Variants in MTA1 observed in about 807,000 individuals in gnomAD.
MTA1 encodes metastasis associated 1.
Under a neutral mutation model 97.0 loss-of-function variants are expected in MTA1, and 15 were observed. The ratio of observed to expected loss-of-function variants is 0.15; its 90% confidence interval spans 0.10 to 0.24. MTA1 has a LOEUF of 0.24. Ranked by LOEUF, MTA1 falls within the 10% of genes least tolerant of loss-of-function variation. The pLI, the probability that MTA1 is intolerant of heterozygous loss-of-function variation, is 1.00. For missense variants in MTA1, 709 were observed against 1,015.1 expected, an observed-to-expected ratio of 0.70 and a Z score of 4.10; for synonymous variants, 435 against 417.5, an observed-to-expected ratio of 1.04 and a Z score of -0.51.
chr14:105,434,946 C>T (rs1480423457), intron 1 of MTA1, among the ~76,000 whole-genome samples: 3 of 152,144 alleles, frequency 2.0e-5, no homozygotes, highest in Admixed American at 6.6e-5. Context: ...TCTTCATATC[C>T]AGTCTGTGTG....
At position 105,429,670 on chromosome 14, in the gene MTA1, G is replaced by A. The variant is rs1470236455; in HGVS notation, c.29-9002G>A. Among the ~76,000 whole-genome samples, 4 of 147,926 alleles carry A rather than the reference G, an allele frequency of 2.7e-5. No individual in the cohort carries two copies. In the South Asian group the frequency reaches 8.6e-4, roughly 32 times the overall value. On this transcript the variant is annotated intron_variant, in intron 1 of 20. Transcript: ENST00000331320. ...GGGTTTCACCATGTTAGCCAGGATG[G>A]CCTCAATCTCCTGACCTTGTGATCC...
At chr14:105,452,800 A>G (rs2082994264) in intron 6 of MTA1, among the ~76,000 whole-genome samples, 1 of 152,254 alleles carries the variant, frequency 6.6e-6, no homozygotes, top group Admixed American at 6.5e-5. Flanking sequence ...GTGGTCACAC[A>G]TGGAGCAGGT....
At chr14:105,465,273 T>G in intron 16 of MTA1, 90 bp downstream of exon 16, 4 of 1,142,356 alleles carry the variant, frequency 3.5e-6, no homozygotes, top group Non-Finnish European at 3.6e-6. Context: ...CAGCCTTCTC[T>G]AGCTGGGAGC....
At chr14:105,430,740 G>T (rs2082153833) in intron 1 of MTA1, among the ~76,000 whole-genome samples, 1 of 152,168 alleles carries the variant, frequency 6.6e-6, no homozygotes. Flanking sequence ...CTGGCCCGCT[G>T]CCTGTTTTTG....
At chr14:105,464,390 T>C (rs782256514) in intron 13 of MTA1, 26 bp from the exon 14 acceptor site, 2 of 1,610,128 alleles carry the variant, frequency 1.2e-6, no homozygotes, top group Non-Finnish European at 1.7e-6. Flanking sequence ...TAAGAATCCG[T>C]CTATTTCCAA....
chr14:105,434,473 A>C (rs2082271046), intron 1 of MTA1, among the ~76,000 whole-genome samples: 1 of 148,568 alleles, frequency 6.7e-6, no homozygotes, highest in African/African-American at 2.5e-5. Flanking sequence ...ATTTGTTAGT[A>C]GTACGTAGAA....
At chr14:105,437,901 G>A (rs587702325) in intron 1 of MTA1, among the ~76,000 whole-genome samples, 1 of 152,366 alleles carries the variant, frequency 6.6e-6, no homozygotes, top group African/African-American at 2.4e-5. Flanking sequence ...TCCAGGGTAA[G>A]CCTCTGGGCT....
At chr14:105,446,023 G>C (rs925753207) in intron 3 of MTA1, among the ~76,000 whole-genome samples, 9 of 152,102 alleles carry the variant, frequency 5.9e-5, no homozygotes, top group Non-Finnish European at 7.4e-5. Flanking sequence ...GGCCAGCACA[G>C]CGTGTGGGAG....
intron 2 of MTA1, among the ~76,000 whole-genome samples, chr14:105,441,689 G>C (rs1489994098): frequency 6.6e-6 from 1 of 152,200 alleles, no homozygotes; most frequent in Non-Finnish European, 1.5e-5. Flanking sequence ...AGCTACTCGG[G>C]AGGCTGAGGC....
chr14:105,465,690 G>A (rs1480501911), intron 16 of MTA1: 2 of 152,806 alleles, frequency 1.3e-5, no homozygotes, highest in African/African-American at 2.4e-5. Flanking sequence ...GGCGGCAGGG[G>A]GTTCCTTTGC....
At chr14:105,461,422 C>T (rs2083342512) in intron 10 of MTA1, among the ~76,000 whole-genome samples, 1 of 152,202 alleles carries the variant, frequency 6.6e-6, no homozygotes, top group Non-Finnish European at 1.5e-5. Flanking sequence ...GTCTCCCTTC[C>T]CTGTACCTCC....
chr14:105,468,051 G>A (rs10147179), intron 18 of MTA1: 63 of 346,664 alleles, frequency 1.8e-4, no homozygotes, highest in Non-Finnish European at 3.1e-4. Flanking sequence ...CTGTCCTGAC[G>A]TGTAGCGGCC....
chr14:105,427,961 T>G (rs184681428), intron 1 of MTA1, among the ~76,000 whole-genome samples: 115 of 138,434 alleles, frequency 8.3e-4, no homozygotes, highest in Non-Finnish European at 1.5e-3. Flanking sequence ...GAGGTTGCAG[T>G]GAGTGGAGAT....
Position 105,464,155 on chromosome 14 carries a change from C to G in MTA1, c.1192+8C>G. The G allele has an allele frequency of 6.2e-7, 1 of 1,606,236 alleles. No homozygotes were observed. Among genetic ancestry groups the G allele is most frequent in the Non-Finnish European group, 8.5e-7 (1 of 1,177,266 alleles). On this transcript the variant is annotated splice_region_variant and intron_variant, in intron 13 of 20. Coordinates refer to ENST00000331320, the MANE Select transcript of MTA1 (RefSeq NM_004689.4). The stretch of plus-strand genomic sequence containing the variant: ...CCTGCGAGAGCTGTTACAGTAAGTG[C>G]CCTGGATGGCCGGGGGCACACCGCA...
chr14:105,469,745 G>A, intron 19 of MTA1, 96 bp from the exon 20 acceptor site: 1 of 1,430,534 alleles, frequency 7.0e-7, no homozygotes, highest in Non-Finnish European at 9.3e-7. Flanking sequence ...GGGTGGTGGG[G>A]GGTTGGCCAG....
chr14:105,453,500 A>G (rs952305826), intron 6 of MTA1, among the ~76,000 whole-genome samples: 4 of 152,222 alleles, frequency 2.6e-5, no homozygotes, highest in Non-Finnish European at 4.4e-5. Context: ...ACGGAGCGAG[A>G]CCATGTTTCG....
chr14:105,443,979 T>C (rs2082628616), intron 2 of MTA1, among the ~76,000 whole-genome samples: 1 of 151,904 alleles, frequency 6.6e-6, no homozygotes, highest in Non-Finnish European at 1.5e-5. Context: ...TTCCAGCTAC[T>C]CAGGAGGCTG....
chr14:105,450,468 C>A, intron 6 of MTA1, 144 bp downstream of exon 6: 1 of 922,620 alleles, frequency 1.1e-6, no homozygotes. Context: ...GCGGGGATTG[C>A]GTCCTGACTG....
At chr14:105,468,039 G>T in intron 18 of MTA1, 1 of 334,480 alleles carries the variant, frequency 3.0e-6, no homozygotes, top group South Asian at 2.3e-5. Flanking sequence ...CAGAGGAAGC[G>T]CCTGTCCTGA....
Sources: allele counts gnomAD v4.1 joint callset (sites outside exome capture counted in the v4.1 genomes callset), GRCh38; gene constraint gnomAD v4.1.1; transcripts MANE v1.5; gene names NCBI Gene and HGNC (gene_info 2026-07-23, HGNC 2026-07-21).